Variants in MED27 observed in about 807,000 individuals in gnomAD.
MED27 encodes mediator complex subunit 27.
In MED27, 30 loss-of-function variants were observed where a neutral mutation model predicts 38.2. The observed-to-expected ratio is 0.79, with a 90% CI of 0.59 to 1.07. The LOEUF is 1.07. Ranked by LOEUF, MED27 falls within the 50% of genes least tolerant of loss-of-function variation. The pLI, the probability that MED27 is intolerant of heterozygous loss-of-function variation, is 0.00. For missense variants in MED27, 289 were observed against 397.5 expected (o/e 0.73, Z 2.32); for synonymous variants, 122 against 153.5 (o/e 0.79, Z 1.52).
At chr9:131,925,939 G>A (rs1419300715) in intron 4 of MED27, among the ~76,000 whole-genome samples, 1 of 152,208 alleles carries the variant, frequency 6.6e-6, no homozygotes, top group Non-Finnish European at 1.5e-5. Flanking sequence ...CAAGGGTCAC[G>A]ATGAATCCAA....
intron 4 of MED27, among the ~76,000 whole-genome samples, chr9:131,901,061 G>C (rs1054318720): frequency 7.6e-6 from 1 of 130,728 alleles, no homozygotes; most frequent in Non-Finnish European, 1.6e-5. Context: ...AGAGAGGTGA[G>C]AGAGACAGAA....
intron 2 of MED27, among the ~76,000 whole-genome samples, chr9:132,056,808 A>G (rs543044575): frequency 6.6e-6 from 1 of 152,344 alleles, no homozygotes; most frequent in Admixed American, 6.5e-5. Flanking sequence ...GGACACATTC[A>G]GTGGACCAGA....
At chr9:131,884,304 T>C (rs2131486040) in intron 5 of MED27, among the ~76,000 whole-genome samples, 1 of 152,336 alleles carries the variant, frequency 6.6e-6, no homozygotes, top group South Asian at 2.1e-4. Context: ...GAAAAGTCAA[T>C]GAAGGAATAC....
At chr9:132,073,464 A>G in intron 2 of MED27, 2 of 1,148,838 alleles carry the variant, frequency 1.7e-6, no homozygotes, top group South Asian at 8.3e-5. Context: ...CAAGATGGAC[A>G]TGGTGCCTCT....
chr9:131,918,298 C>T (rs936431163), intron 4 of MED27, among the ~76,000 whole-genome samples: 1 of 152,166 alleles, frequency 6.6e-6, no homozygotes, highest in African/African-American at 2.4e-5. Context: ...CCTAACTAGG[C>T]TACTGCTAAT....
intron 3 of MED27, among the ~76,000 whole-genome samples, chr9:131,973,457 CTTTTTTT>C (rs747946439): frequency 8.2e-6 from 1 of 122,170 alleles, no homozygotes; most frequent in Non-Finnish European, 1.7e-5. Context: ...TTTTTCTTTT[CTTTTTTT>C]TTTTTTTTTT....
At chr9:131,966,741 C>A (rs1433449569) in intron 3 of MED27, among the ~76,000 whole-genome samples, 1 of 152,184 alleles carries the variant, frequency 6.6e-6, no homozygotes, top group Non-Finnish European at 1.5e-5. Context: ...CTTGCTCTGG[C>A]AGGACCTGAG....
At chr9:132,073,850 G>T in intron 2 of MED27, 7 of 1,352,952 alleles carry the variant, frequency 5.2e-6, no homozygotes, top group Non-Finnish European at 6.7e-6. Flanking sequence ...TGGGGTCTTT[G>T]CAGCTTCAGA....
chr9:131,958,660 G>A (rs1831153151), intron 3 of MED27, among the ~76,000 whole-genome samples: 1 of 152,126 alleles, frequency 6.6e-6, no homozygotes, highest in Non-Finnish European at 1.5e-5. Flanking sequence ...TCAGTGCTAG[G>A]GAGGCCATCA....
chr9:131,999,968 C>T (rs1244864175), intron 3 of MED27, among the ~76,000 whole-genome samples: 12 of 151,988 alleles, frequency 7.9e-5, no homozygotes, highest in Non-Finnish European at 7.4e-5. Flanking sequence ...GTCCAAAGGA[C>T]GCTCACCAAT....
intron 4 of MED27, among the ~76,000 whole-genome samples, chr9:131,936,034 G>A (rs145462769): frequency 0.032 from 4,842 of 151,634 alleles, 279 homozygotes; most frequent in African/African-American, 0.11. Context: ...TCAGGAGGCT[G>A]AGGTGGGAGG....
chr9:131,991,783 G>A (rs984950222), intron 3 of MED27, among the ~76,000 whole-genome samples: 26 of 152,216 alleles, frequency 1.7e-4, no homozygotes, highest in East Asian at 1.4e-3. Flanking sequence ...GTGCAGTGGC[G>A]CAATCTCCGC....
chr9:131,996,912 T>C (rs923869232), intron 3 of MED27, among the ~76,000 whole-genome samples: 2 of 152,196 alleles, frequency 1.3e-5, no homozygotes, highest in African/African-American at 4.8e-5. Flanking sequence ...AAGAATACAG[T>C]ATGTAATGCA....
At chr9:132,073,609 T>C (rs999940318) in intron 2 of MED27, 3 of 1,434,010 alleles carry the variant, frequency 2.1e-6, no homozygotes, top group South Asian at 1.5e-5. Context: ...CAGAGATAGA[T>C]GTGAGAGGTG....
intron 4 of MED27, among the ~76,000 whole-genome samples, chr9:131,899,513 C>T (rs1232694632): frequency 1.3e-5 from 2 of 152,336 alleles, no homozygotes; most frequent in Admixed American, 1.3e-4. Flanking sequence ...GCAACTCAGA[C>T]AACCTCTGGT....
chr9:131,905,939 G>A (rs1396051398), intron 4 of MED27, among the ~76,000 whole-genome samples: 1 of 152,066 alleles, frequency 6.6e-6, no homozygotes, highest in Non-Finnish European at 1.5e-5. Context: ...AAATGAAATA[G>A]ACATTCACAG....
rs779835785 is a variant in MED27 at position 131,862,426 on chromosome 9, T to C, written c.801+637A>G. Among the ~76,000 whole-genome samples, 10 of 152,194 alleles carry C rather than the reference T, an allele frequency of 6.6e-5. No homozygotes were observed. Among genetic ancestry groups the C allele is most frequent in the Non-Finnish European group, 1.3e-4 (9 of 68,034 alleles). ...TGTCAAGGACGCGGGGACATGGTGT[T>C]AGCCCTGCTTAGGCCAACTGGTGGC... On this transcript the variant is annotated intron_variant, in intron 7 of 7. Transcript: ENST00000292035. The surrounding 1 kb of genome is among the most constrained non-coding windows in gnomAD (Gnocchi z 4.6).
intron 3 of MED27, among the ~76,000 whole-genome samples, chr9:131,991,077 C>A (rs1218488933): frequency 6.6e-6 from 1 of 152,206 alleles, no homozygotes; most frequent in Admixed American, 6.5e-5. Flanking sequence ...AAACAAGAGC[C>A]TGTTTTCCCT....
In MED27 at chr9:131,862,299, T is replaced by G. The variant is rs373401129; in HGVS notation, c.801+764A>C. On this transcript the variant is annotated intron_variant, in intron 7 of 7. Transcript: ENST00000292035. The surrounding 1 kb of genome is among the most constrained non-coding windows in gnomAD (Gnocchi z 4.6). ...TTTCTAGCATGAAGAAAACAGGGAG[T>G]CCCAGCAGCGGTGGATGATGGGGTC... is the stretch of plus-strand genomic sequence containing the variant. Among the ~76,000 whole-genome samples the G allele has an allele frequency of 2.6e-4, 40 of 152,156 alleles. No homozygotes were observed. Among genetic ancestry groups the G allele is most frequent in the African/African-American group, 9.4e-4 (39 of 41,510 alleles).
Sources: gnomAD v4.1 joint callset for allele counts (sites outside exome capture counted in the v4.1 genomes callset) on GRCh38, gnomAD v4.1.1 for gene constraint, Gnocchi (gnomAD v3.1) non-coding constraint, MANE v1.5 for transcripts, NCBI Gene and HGNC (gene_info 2026-07-23, HGNC 2026-07-21) for gene names.